Variants in ZNF638 observed in about 807,000 individuals in gnomAD.
ZNF638 encodes the protein CTCL tumor antigen se33-1.
ZNF638 carries 46 observed loss-of-function variants against 195.6 expected under a neutral mutation model. The observed-to-expected ratio is 0.24, with a 90% CI of 0.19 to 0.30. The LOEUF is 0.30. Ranked by LOEUF, ZNF638 falls within the 10% of genes least tolerant of loss-of-function variation. The pLI, the probability that ZNF638 is intolerant of heterozygous loss-of-function variation, is 1.00. For missense variants in ZNF638, 2,440 were observed against 2,325.3 expected, an observed-to-expected ratio of 1.05 and a Z score of -1.01; for synonymous variants, 845 against 772.0, an observed-to-expected ratio of 1.09 and a Z score of -1.57.
At chr2:71,354,402 T>C (rs1210244325) in intron 2 of ZNF638, among the ~76,000 whole-genome samples, 3 of 151,296 alleles carry the variant, frequency 2.0e-5, no homozygotes, top group Non-Finnish European at 2.9e-5. Context: ...CACATTGTAA[T>C]TTTAGGACAG....
intron 20 of ZNF638, among the ~76,000 whole-genome samples, chr2:71,410,441 C>A (rs1370315130): frequency 1.3e-5 from 2 of 151,740 alleles, no homozygotes; most frequent in Non-Finnish European, 1.5e-5. Flanking sequence ...AAACTTCTGG[C>A]CTGAAGTGCT....
At chr2:71,428,270 A>G (rs1214118927) in intron 24 of ZNF638, among the ~76,000 whole-genome samples, 1 of 152,218 alleles carries the variant, frequency 6.6e-6, no homozygotes, top group Non-Finnish European at 1.5e-5. Context: ...AGGCTTATGG[A>G]ACAAATTAGA....
At chr2:71,408,798 T>C (rs1418544014) in intron 20 of ZNF638, 1 of 410,034 alleles carries the variant, frequency 2.4e-6, no homozygotes, top group Non-Finnish European at 4.8e-6. Context: ...TAGGACCTTA[T>C]ATGTGGTGTC....
At chr2:71,334,361 G>A (rs999919597) in intron 1 of ZNF638, 3 of 152,192 alleles carry the variant, frequency 2.0e-5, no homozygotes, top group Non-Finnish European at 4.4e-5. Context: ...TGTTTTGCAA[G>A]GAAACAGGCG....
chr2:71,423,722 A>C lies in ZNF638; in HGVS notation c.4208A>C (p.Lys1403Thr), dbSNP rs2080477827. ...AAGGCTGTTATAGTCTCTTCTCCTA[A>C]GGCAAAAGCTACAGTTTCAAAAACT... is the stretch of plus-strand genomic sequence containing the variant. ...SIKAVIVSSP[K>T]AKATVSKTEN... Residue 1403 changes from lysine (K) to threonine (T), a missense_variant, in exon 22 of 28, where the codon AAG (lysine) becomes ACG (threonine). By Grantham distance (78) the Lys-to-Thr change is moderately conservative. Around this residue, in one of 5 missense-constraint regions of ZNF638, gnomAD observed 1,883 missense variants for 1,739.1 expected, o/e 1.08. Coordinates refer to ENST00000264447, the MANE Select transcript of ZNF638 (RefSeq NM_014497.5). The C allele has an allele frequency of 6.2e-7, 1 of 1,613,794 alleles. No individual in the cohort carries two copies. The highest frequency in any genetic ancestry group is 1.3e-5 in the African/African-American group (1 of 74,948).
chr2:71,353,355 A>G (rs2078973725), intron 2 of ZNF638, among the ~76,000 whole-genome samples: 1 of 152,206 alleles, frequency 6.6e-6, no homozygotes, highest in South Asian at 2.1e-4. Flanking sequence ...ACAATAAAAA[A>G]TTGTTGAGAA....
chr2:71,432,965 T>C (rs973245839), intron 26 of ZNF638, among the ~76,000 whole-genome samples, 200 bp from the exon 27 acceptor site: 1 of 152,158 alleles, frequency 6.6e-6, no homozygotes, highest in Admixed American at 6.5e-5. Context: ...CGCACACCTG[T>C]AATCCTAGCT....
chr2:71,341,991 T>A (rs1389013519), intron 1 of ZNF638, among the ~76,000 whole-genome samples: 2 of 152,168 alleles, frequency 1.3e-5, no homozygotes, highest in African/African-American at 4.8e-5. Context: ...TTTGCTTGTT[T>A]TGCTTAATTT....
Position 71,426,507 on chromosome 2 carries a change from G to A in ZNF638, c.4638G>A (p.Glu1546=), listed in dbSNP as rs1398664970. Residue 1546 remains glutamate, a synonymous_variant, in exon 24 of 28, where the codon GAG becomes GAA. Transcript: ENST00000264447. ...TGGATGAATTTGTTACTGTGGATGA[G>A]GTTATAGAAGAAGTGAATCCTTCTC... is the stretch of plus-strand genomic sequence containing the variant. ...FNLDEFVTVD[E]VIEEVNPSQA... is the part of the protein sequence containing the mutation. 2 of 1,608,288 alleles carry A rather than the reference G, an allele frequency of 1.2e-6. No homozygotes were observed. The highest frequency in any genetic ancestry group is 2.7e-5 in the African/African-American group (2 of 74,448).
At chr2:71,392,076 T>C (rs2079792606) in intron 10 of ZNF638, among the ~76,000 whole-genome samples, 1 of 152,212 alleles carries the variant, frequency 6.6e-6, no homozygotes, top group Non-Finnish European at 1.5e-5. Context: ...GACGATGCAA[T>C]CTGTGGCTGG....
At chr2:71,395,264 C>T (rs1051747190) in intron 10 of ZNF638, 19 of 717,136 alleles carry the variant, frequency 2.6e-5, no homozygotes, top group African/African-American at 5.2e-5. Flanking sequence ...AGCCGGAATA[C>T]GAGCAGTAAT....
intron 1 of ZNF638, among the ~76,000 whole-genome samples, chr2:71,334,238 C>G (rs940364888): frequency 6.6e-6 from 1 of 152,144 alleles, no homozygotes; most frequent in Non-Finnish European, 1.5e-5. Flanking sequence ...TCCACTGTAC[C>G]TTAATGTATA....
At chr2:71,395,232 A>G (rs1441928272) in intron 10 of ZNF638, 5 of 717,156 alleles carry the variant, frequency 7.0e-6, no homozygotes, top group African/African-American at 1.7e-5. Flanking sequence ...GTCTTATGTT[A>G]TTTACTAATT....
At chr2:71,359,545 A>C (rs1449275964) in intron 3 of ZNF638, among the ~76,000 whole-genome samples, 2 of 152,178 alleles carry the variant, frequency 1.3e-5, no homozygotes, top group Non-Finnish European at 2.9e-5. Context: ...ACTAATCTTC[A>C]CTGGAAACAC....
chr2:71,427,308 T>C lies in ZNF638; in HGVS notation c.5439T>C (p.Ala1813=), dbSNP rs2080558822. ...TDKKGNRKKR[A]VDTKKTKLES... ...AAAAAGGGAATAGAAAGAAGAGAGC[T>C]GTGGACACAAAAAAGACAAAACTTG... Residue 1813 remains alanine (A), a synonymous_variant, in exon 24 of 28, where the codon GCT becomes GCC. Coordinates refer to ENST00000264447, the MANE Select transcript of ZNF638 (RefSeq NM_014497.5). 6.2e-7 allele frequency: 1 copy of C among 1,612,710 alleles called. No individual in the cohort carries two copies. The highest frequency in any genetic ancestry group is 1.3e-5 in the African/African-American group (1 of 74,744).
At chr2:71,353,827 C>T (rs550218066) in intron 2 of ZNF638, among the ~76,000 whole-genome samples, 2 of 152,280 alleles carry the variant, frequency 1.3e-5, no homozygotes, top group South Asian at 4.1e-4. Context: ...AAATCATGCC[C>T]AACCCACTGC....
chr2:71,423,107 G>A lies in ZNF638; in HGVS notation c.3593G>A (p.Cys1198Tyr). 1.9e-6 allele frequency: 3 copies of A among 1,614,116 alleles called. No homozygotes were observed. Among genetic ancestry groups the A allele is most frequent in the East Asian group, 2.2e-5 (1 of 44,878 alleles). ...IEQFTENAEE[C>Y]ALNQQMFNSD... ...CAATTCACTGAAAATGCCGAGGAGT[G>A]TGCTTTAAATCAGCAGATGTTTAAC... Residue 1198 changes from cysteine to tyrosine, a missense_variant, in exon 22 of 28, where the codon TGT (cysteine) becomes TAT (tyrosine). Cys to Tyr is a radical substitution (Grantham distance 194). Around this residue, in one of 5 missense-constraint regions of ZNF638, gnomAD observed 1,883 missense variants for 1,739.1 expected, o/e 1.08. Coordinates refer to ENST00000264447, the MANE Select transcript of ZNF638 (RefSeq NM_014497.5).
At chr2:71,382,340 T>C (rs1383109126) in intron 10 of ZNF638, among the ~76,000 whole-genome samples, 1 of 152,118 alleles carries the variant, frequency 6.6e-6, no homozygotes, top group African/African-American at 2.4e-5. Flanking sequence ...TTTGGAAAGC[T>C]AAAATACTTC....
At chr2:71,401,054 G>A (rs1283053578) in intron 15 of ZNF638, among the ~76,000 whole-genome samples, 2 of 152,108 alleles carry the variant, frequency 1.3e-5, no homozygotes, top group African/African-American at 4.8e-5. Flanking sequence ...TCCTTCAGGT[G>A]TTGAGCATAA....
Sources: allele counts gnomAD v4.1 joint callset (sites outside exome capture counted in the v4.1 genomes callset), GRCh38; gene constraint gnomAD v4.1.1; regional missense constraint gnomAD v4.1.1; transcripts MANE v1.5; gene names NCBI Gene and HGNC (gene_info 2026-07-23, HGNC 2026-07-21).